Variants in VAT1L observed in about 807,000 individuals in gnomAD.
VAT1L encodes the protein vesicle amine transport 1 like.
A neutral mutation model predicts 44.1 loss-of-function variants in VAT1L; 34 were observed. That is an observed-to-expected ratio of 0.77 (90% CI 0.59 to 1.03). The LOEUF (loss-of-function observed/expected upper bound fraction) is 1.03. VAT1L is among the 50% of genes least tolerant of loss of function. The pLI is 0.00. For synonymous variants in VAT1L, 253 were observed against 202.2 expected, an observed-to-expected ratio of 1.25 and a Z score of -2.13; for missense variants, 615 against 538.8, an observed-to-expected ratio of 1.14 and a Z score of -1.40.
chr16:77,925,921 T>C (rs935758836), intron 7 of VAT1L, among the ~76,000 whole-genome samples: 24 of 152,120 alleles, frequency 1.6e-4, no homozygotes, highest in African/African-American at 5.8e-4. Flanking sequence ...GAGTGATCAA[T>C]GGCATGTATG....
At chr16:77,825,498 C>G in intron 3 of VAT1L, 37 bp downstream of exon 3, 1 of 1,550,026 alleles carries the variant, frequency 6.5e-7, no homozygotes, top group Non-Finnish European at 8.7e-7. Flanking sequence ...TCTTTAAGGT[C>G]ATGATGGTGG....
In VAT1L at chr16:77,796,008, T is replaced by C. The variant is rs531896058; in HGVS notation, c.233+7093T>C. On this transcript the variant is annotated intron_variant, in intron 1 of 8. Coordinates refer to ENST00000302536, the MANE Select transcript of VAT1L (RefSeq NM_020927.3). ...GCCCAGCTAGTTTTTATATTTTTAG[T>C]AGAGACAGGGTTTCGCCATGTTGGC... Among the ~76,000 whole-genome samples the C allele has an allele frequency of 9.2e-5, 14 of 152,060 alleles. No homozygotes were observed. In the South Asian group the frequency reaches 2.5e-3, roughly 27 times the overall value.
chr16:77,903,968 C>T, intron 7 of VAT1L, among the ~76,000 whole-genome samples: 1 of 151,856 alleles, frequency 6.6e-6, no homozygotes. Flanking sequence ...GATCTCATGA[C>T]CTTGTGATCC....
intron 3 of VAT1L, 144 bp from the exon 4 acceptor site, chr16:77,862,604 C>T (rs1377039174): frequency 1.8e-5 from 14 of 797,390 alleles, no homozygotes; most frequent in Non-Finnish European, 2.4e-5. Context: ...GCCTGAGTGA[C>T]AGAGTGAGAC....
At chr16:77,890,739 A>G (rs2017255831) in intron 7 of VAT1L, among the ~76,000 whole-genome samples, 1 of 151,266 alleles carries the variant, frequency 6.6e-6, no homozygotes, top group African/African-American at 2.4e-5. Context: ...CCTGAGCAAC[A>G]TGGTGATACC....
chr16:77,956,587 G>C (rs1335899098), intron 7 of VAT1L, among the ~76,000 whole-genome samples: 1 of 152,098 alleles, frequency 6.6e-6, no homozygotes, highest in Non-Finnish European at 1.5e-5. Flanking sequence ...CTCTTTCCTT[G>C]AGACTTATCT....
At chr16:77,915,424 A>T (rs1255606516) in intron 7 of VAT1L, among the ~76,000 whole-genome samples, 1 of 152,230 alleles carries the variant, frequency 6.6e-6, no homozygotes, top group Non-Finnish European at 1.5e-5. Flanking sequence ...ACAGATGTTT[A>T]GAGTCCATCT....
chr16:77,822,218 T>C (rs559746849), intron 2 of VAT1L, among the ~76,000 whole-genome samples: 151 of 152,300 alleles, frequency 9.9e-4, no homozygotes, highest in African/African-American at 3.6e-3. Flanking sequence ...CACTGCAAAC[T>C]CTGCCTCCCA....
intron 7 of VAT1L, chr16:77,892,444 G>T (rs1597086089): frequency 2.0e-6 from 1 of 488,798 alleles, no homozygotes; most frequent in South Asian, 1.6e-5. Context: ...CCACTATGTT[G>T]GGGTTGACAG....
chr16:77,909,673 A>G (rs1329827653), intron 7 of VAT1L, among the ~76,000 whole-genome samples: 2 of 149,870 alleles, frequency 1.3e-5, no homozygotes, highest in Admixed American at 6.6e-5. Context: ...CTCTTGAGCT[A>G]CTGAGTGCTG....
intron 7 of VAT1L, among the ~76,000 whole-genome samples, chr16:77,951,813 G>A (rs1210924344): frequency 7.4e-6 from 1 of 134,342 alleles, no homozygotes; most frequent in Non-Finnish European, 1.6e-5. Context: ...CTGTATCTGT[G>A]TTTTACAACT....
chr16:77,962,347 G>A (rs2018168766), intron 7 of VAT1L, among the ~76,000 whole-genome samples: 1 of 152,070 alleles, frequency 6.6e-6, no homozygotes, highest in Admixed American at 6.6e-5. Context: ...TATGTGTTGG[G>A]GGAGACTTTG....
rs532040762 is a variant in VAT1L at position 77,957,697 on chromosome 16, C to G, written c.1078-14153C>G. On this transcript the variant is annotated intron_variant, in intron 7 of 8. Transcript: ENST00000302536. ...CTGAGATCGGGCCACTGCAGTCCAG[C>G]CTGGCGACAGAACGAGACTCTGTCT... Among the ~76,000 whole-genome samples, 15 of 151,338 alleles carry G rather than the reference C, an allele frequency of 9.9e-5. No homozygotes were observed. The East Asian group carries it at 2.9e-3, about 29-fold the overall frequency.
chr16:77,921,235 C>T lies in VAT1L; in HGVS notation c.1077+36433C>T, dbSNP rs191605737. On this transcript the variant is annotated intron_variant, in intron 7 of 8. Coordinates refer to ENST00000302536, the MANE Select transcript of VAT1L (RefSeq NM_020927.3). Reference sequence around the variant, plus strand: ...TCTTTCCAGCTGGAATAAGCCATAGCCCAAGAACACTGTAAATCGGGACTA... The same window carrying T: ...TCTTTCCAGCTGGAATAAGCCATAGTCCAAGAACACTGTAAATCGGGACTA... 3.9e-5 allele frequency among the ~76,000 whole-genome samples: 6 copies of T among 152,254 alleles called. No individual in the cohort carries two copies. The East Asian group carries it at 1.2e-3, about 29-fold the overall frequency.
At chr16:77,940,166 T>C (rs142732155) in intron 7 of VAT1L, among the ~76,000 whole-genome samples, 1 of 152,074 alleles carries the variant, frequency 6.6e-6, no homozygotes, top group Non-Finnish European at 1.5e-5. Flanking sequence ...AACAAGCAAA[T>C]CTTAGGGGTG....
At chr16:77,929,672 A>G (rs1307565621) in intron 7 of VAT1L, among the ~76,000 whole-genome samples, 1 of 152,174 alleles carries the variant, frequency 6.6e-6, no homozygotes, top group Non-Finnish European at 1.5e-5. Context: ...AGAAAGAAAC[A>G]AAGGCCACTC....
At chr16:77,903,377 A>G (rs943615720) in intron 7 of VAT1L, among the ~76,000 whole-genome samples, 4 of 152,318 alleles carry the variant, frequency 2.6e-5, no homozygotes, top group African/African-American at 9.6e-5. Flanking sequence ...TTGGAAATAG[A>G]CTTTGCAACA....
chr16:77,943,584 A>G (rs1452439209), intron 7 of VAT1L, among the ~76,000 whole-genome samples: 1 of 151,618 alleles, frequency 6.6e-6, no homozygotes, highest in East Asian at 2.0e-4. Flanking sequence ...TTGTATTTTT[A>G]GTAGAGATGG....
At chr16:77,936,633 T>C (rs1445501970) in intron 7 of VAT1L, among the ~76,000 whole-genome samples, 1 of 152,154 alleles carries the variant, frequency 6.6e-6, no homozygotes, top group Non-Finnish European at 1.5e-5. Context: ...CGAGAGAGCG[T>C]GCTTCCTACC....
Sources: allele counts gnomAD v4.1 joint callset (sites outside exome capture counted in the v4.1 genomes callset), GRCh38; gene constraint gnomAD v4.1.1; transcripts MANE v1.5; gene names NCBI Gene and HGNC (gene_info 2026-07-23, HGNC 2026-07-21).